Variants in PCED1B observed in about 807,000 individuals in gnomAD.
PCED1B encodes PC-esterase domain containing 1B.
For synonymous variants in PCED1B, 251 were observed against 246.1 expected (o/e 1.02, Z -0.19); for missense variants, 573 against 573.9 (o/e 1.00, Z 0.02).
At chr12:47,110,643 C>T (rs1273549970) in intron 2 of PCED1B, among the ~76,000 whole-genome samples, 1 of 152,194 alleles carries the variant, frequency 6.6e-6, no homozygotes, top group Non-Finnish European at 1.5e-5. Context: ...GCAGCCTCAT[C>T]TTGAATTTCA....
At chr12:47,111,894 A>G (rs1939213071) in intron 2 of PCED1B, among the ~76,000 whole-genome samples, 1 of 152,154 alleles carries the variant, frequency 6.6e-6, no homozygotes, top group Non-Finnish European at 1.5e-5. Context: ...CTTTGAAGGA[A>G]TTCAGTATCA....
At chr12:47,164,880 T>C (rs538898742) in intron 2 of PCED1B, among the ~76,000 whole-genome samples, 1 of 152,338 alleles carries the variant, frequency 6.6e-6, no homozygotes, top group East Asian at 1.9e-4. Context: ...TGAGTCACAA[T>C]GAATTGGCTG....
At chr12:47,117,973 G>C (rs1939503508) in intron 2 of PCED1B, among the ~76,000 whole-genome samples, 1 of 152,100 alleles carries the variant, frequency 6.6e-6, no homozygotes, top group Admixed American at 6.5e-5. Context: ...TTTTTCATGT[G>C]TCTGTTGGCT....
intron 3 of PCED1B, among the ~76,000 whole-genome samples, chr12:47,218,047 G>A (rs529173884): frequency 1.1e-4 from 16 of 152,294 alleles, no homozygotes; most frequent in Non-Finnish European, 1.8e-4. Context: ...GATATGCTAA[G>A]GTGGCTCAGA....
At chr12:47,109,718 G>A (rs1939109332) in intron 2 of PCED1B, among the ~76,000 whole-genome samples, 1 of 152,156 alleles carries the variant, frequency 6.6e-6, no homozygotes, top group Non-Finnish European at 1.5e-5. Flanking sequence ...GCCTGTGCAA[G>A]GAGAGAAGGG....
chr12:47,153,444 C>T (rs188422593), intron 2 of PCED1B, among the ~76,000 whole-genome samples: 53 of 151,212 alleles, frequency 3.5e-4, no homozygotes, highest in African/African-American at 1.3e-3. Context: ...CAAAATGTTC[C>T]AATTGATTTG....
intron 3 of PCED1B, among the ~76,000 whole-genome samples, chr12:47,230,021 G>A (rs1037745225): frequency 1.3e-5 from 2 of 149,858 alleles, no homozygotes; most frequent in African/African-American, 2.5e-5. Flanking sequence ...TGATCTGCCC[G>A]CCTCAGCCTC....
At chr12:47,218,263 G>A (rs1943363861) in intron 3 of PCED1B, among the ~76,000 whole-genome samples, 1 of 152,224 alleles carries the variant, frequency 6.6e-6, no homozygotes, top group Non-Finnish European at 1.5e-5. Context: ...CCATGGCCTG[G>A]GGAAAGGCCT....
chr12:47,211,577 C>T (rs1386435483), intron 2 of PCED1B, among the ~76,000 whole-genome samples: 1 of 147,424 alleles, frequency 6.8e-6, no homozygotes, highest in Non-Finnish European at 1.5e-5. Context: ...CTGCTTGAAC[C>T]TGGGAGGCAG....
chr12:47,088,819 G>C (rs538413957), intron 1 of PCED1B, among the ~76,000 whole-genome samples: 1 of 152,140 alleles, frequency 6.6e-6, no homozygotes, highest in Non-Finnish European at 1.5e-5. Flanking sequence ...TTAACATGAC[G>C]ATTGTTCATA....
chr12:47,218,049 T>A (rs1943355563), intron 3 of PCED1B, among the ~76,000 whole-genome samples: 2 of 152,246 alleles, frequency 1.3e-5, no homozygotes, highest in Non-Finnish European at 2.9e-5. Context: ...TATGCTAAGG[T>A]GGCTCAGAAT....
chr12:47,187,094 A>G (rs751892233), intron 2 of PCED1B, among the ~76,000 whole-genome samples: 118 of 152,304 alleles, frequency 7.7e-4, no homozygotes, highest in Non-Finnish European at 1.5e-3. Context: ...AAGGTGGACC[A>G]CTGTGCTGCT....
intron 1 of PCED1B, among the ~76,000 whole-genome samples, chr12:47,084,333 T>A (rs1248526127): frequency 1.3e-5 from 2 of 152,242 alleles, no homozygotes; most frequent in Non-Finnish European, 2.9e-5. Context: ...GTATGGTTTC[T>A]ACTGAATGTG....
chr12:47,221,317 T>C (rs1943469675), intron 3 of PCED1B, among the ~76,000 whole-genome samples: 1 of 150,160 alleles, frequency 6.7e-6, no homozygotes, highest in East Asian at 1.9e-4. Flanking sequence ...TTGTTTCCAA[T>C]ATTTGTTAGA....
intron 2 of PCED1B, among the ~76,000 whole-genome samples, chr12:47,126,754 A>G (rs996578281): frequency 1.3e-5 from 2 of 152,158 alleles, no homozygotes; most frequent in East Asian, 1.9e-4. Context: ...GAATTCATCT[A>G]TGTCATCTAA....
intron 2 of PCED1B, among the ~76,000 whole-genome samples, chr12:47,137,157 C>T (rs555001140): frequency 6.6e-6 from 1 of 152,318 alleles, no homozygotes; most frequent in East Asian, 1.9e-4. Context: ...GTGAAAGGTT[C>T]TGGTACTGAT....
At chr12:47,084,096 A>C (rs568469282) in intron 1 of PCED1B, among the ~76,000 whole-genome samples, 1 of 152,298 alleles carries the variant, frequency 6.6e-6, no homozygotes, top group South Asian at 2.1e-4. Context: ...TCCAAAAAAA[A>C]CTCAATAAAT....
At position 47,136,572 on chromosome 12, in the gene PCED1B, C is replaced by T. The variant is rs192981805; in HGVS notation, c.-526+32377C>T. On this transcript the variant is annotated intron_variant, in intron 2 of 3. Coordinates refer to ENST00000546455, the MANE Select transcript of PCED1B (RefSeq NM_138371.3). ...ACTGCACAAAACTTGCACACCAGAA[C>T]TTTAAAAGATGACTCTTTGAAAGTA... is the stretch of plus-strand genomic sequence containing the variant. 2.0e-5 allele frequency among the ~76,000 whole-genome samples: 3 copies of T among 152,322 alleles called. No homozygotes were observed. In the East Asian group the frequency reaches 5.8e-4, roughly 29 times the overall value.
Position 47,110,289 on chromosome 12 carries a change from C to A in PCED1B, c.-526+6094C>A, listed in dbSNP as rs116224479. Among the ~76,000 whole-genome samples the A allele has an allele frequency of 1.8e-4, 27 of 152,110 alleles. 2 individuals carry two copies. Among genetic ancestry groups the A allele is most frequent in the Non-Finnish European group, 2.9e-5 (2 of 68,004 alleles). On this transcript the variant is annotated intron_variant, in intron 2 of 3. Transcript: ENST00000546455. ...TCTGTCCCCACTTTGAGGTTAAAAA[C>A]AAAAATGCTGTGTTTGGAGGCCATA...
Sources: allele counts gnomAD v4.1 joint callset (sites outside exome capture counted in the v4.1 genomes callset), GRCh38; gene constraint gnomAD v4.1.1; transcripts MANE v1.5; gene names NCBI Gene and HGNC (gene_info 2026-07-23, HGNC 2026-07-21).